CEP63: variants seen among roughly 807,000 people sequenced by gnomAD.
CEP63 encodes centrosomal protein of 63 kDa.
In CEP63, 84 loss-of-function variants were observed where a neutral mutation model predicts 89.1. The observed-to-expected ratio is 0.94, with a 90% CI of 0.79 to 1.13. The LOEUF (loss-of-function observed/expected upper bound fraction) is 1.13. Among genes scored for constraint, CEP63 ranks in the 50% most tolerant of loss-of-function variants. The pLI is 0.00. For missense variants in CEP63, 838 were observed against 813.3 expected (o/e 1.03, Z -0.37); for synonymous variants, 267 against 272.5 (o/e 0.98, Z 0.20).
the CEP63 span, chr3:134,620,946 T>C: frequency 1.3e-6 from 1 of 775,448 alleles, no homozygotes; most frequent in Non-Finnish European, 2.2e-6. Flanking sequence ...AGTGCTGCTC[T>C]TCCTCCAGGC....
chr3:134,667,677 A>C, the CEP63 span, among the ~76,000 whole-genome samples: 6 of 152,298 alleles, frequency 3.9e-5, no homozygotes, highest in African/African-American at 1.4e-4. Context: ...AGTGGTGGGC[A>C]TGATGGTGGC....
the CEP63 span, chr3:134,625,037 C>T: frequency 7.0e-6 from 11 of 1,578,970 alleles, no homozygotes; most frequent in African/African-American, 4.0e-5. Context: ...ATGGTCAGAG[C>T]GGCCAGCTGT....
the CEP63 span, among the ~76,000 whole-genome samples, chr3:134,599,985 T>C: frequency 6.6e-6 from 1 of 152,192 alleles, no homozygotes; most frequent in Non-Finnish European, 1.5e-5. Context: ...GGAGAAAGCA[T>C]ACTCAACAGC....
At chr3:134,529,691 G>C (rs1178403942) in intron 3 of CEP63, among the ~76,000 whole-genome samples, 1 of 151,386 alleles carries the variant, frequency 6.6e-6, no homozygotes, top group Non-Finnish European at 1.5e-5. Flanking sequence ...CTTTTTTGTA[G>C]AGAAAGGGTC....
the CEP63 span, among the ~76,000 whole-genome samples, chr3:134,617,698 G>A: frequency 6.6e-6 from 1 of 152,226 alleles, no homozygotes; most frequent in Non-Finnish European, 1.5e-5. Flanking sequence ...GGCAACACAT[G>A]AGTTTGGTGT....
At chr3:134,605,850 A>T in the CEP63 span, among the ~76,000 whole-genome samples, 1 of 152,062 alleles carries the variant, frequency 6.6e-6, no homozygotes, top group Non-Finnish European at 1.5e-5. Context: ...CCACTCTTTG[A>T]GGACTGGCCC....
At position 134,537,269 on chromosome 3, in the gene CEP63, G is replaced by T; in HGVS notation, c.555+1G>T. On this transcript the variant is annotated splice_donor_variant, in intron 6 of 14. Coordinates refer to ENST00000675561, the MANE Select transcript of CEP63 (RefSeq NM_001353108.3). LOFTEE classifies it high-confidence loss of function. Reference sequence around the variant, plus strand: ...GGCTGAACAATCAGAGATAATTCAGGTAGGCCTAAGACTTTTTAAAATAAT... The same window carrying T: ...GGCTGAACAATCAGAGATAATTCAGTTAGGCCTAAGACTTTTTAAAATAAT... The T allele has an allele frequency of 6.4e-7, 1 of 1,572,736 alleles. No individual in the cohort carries two copies. Among genetic ancestry groups the T allele is most frequent in the Non-Finnish European group, 8.8e-7 (1 of 1,142,120 alleles).
intron 10 of CEP63, among the ~76,000 whole-genome samples, chr3:134,582,984 G>C (rs1483822861): frequency 1.3e-5 from 2 of 152,206 alleles, no homozygotes; most frequent in Non-Finnish European, 2.9e-5. Flanking sequence ...CTTCTTTTGA[G>C]AAGTGTCTGT....
the CEP63 span, chr3:134,620,915 C>T: frequency 9.9e-7 from 1 of 1,015,154 alleles, no homozygotes; most frequent in Non-Finnish European, 1.5e-6. Context: ...GTTGGGGGCC[C>T]AGCATCTTGC....
Position 134,561,306 on chromosome 3 carries a change from T to C in CEP63, c.1954-71T>C, listed in dbSNP as rs571533478. 194 of 1,415,210 alleles carry C rather than the reference T, an allele frequency of 1.4e-4. 1 individual carries two copies. The highest frequency in any genetic ancestry group is 3.2e-4 in the Admixed American group (19 of 59,720). 87.7% of individuals were successfully genotyped at this position (1,415,210 alleles called of 1,614,324 possible). On this transcript the variant is annotated intron_variant, in intron 14 of 14. Transcript: ENST00000675561. ...TTTTAATATTGCTAGTTAGAAAATGTCATGAACAGTGTATCTTAGAAATAT... is the reference window on the plus strand; with the variant it reads ...TTTTAATATTGCTAGTTAGAAAATGCCATGAACAGTGTATCTTAGAAATAT...
chr3:134,752,742 G>A, the CEP63 span, among the ~76,000 whole-genome samples: 579 of 152,252 alleles, frequency 3.8e-3, 7 homozygotes, highest in African/African-American at 0.012. Flanking sequence ...CACCTTATCC[G>A]GGGAGAAAAT....
At chr3:134,620,721 G>A in the CEP63 span, 1 of 1,531,008 alleles carries the variant, frequency 6.5e-7, no homozygotes, top group South Asian at 1.1e-5. Flanking sequence ...AGGGATTCTA[G>A]AGCCAGAAAT....
At chr3:134,604,072 C>T in the CEP63 span, 4 of 1,613,802 alleles carry the variant, frequency 2.5e-6, no homozygotes, top group Non-Finnish European at 3.4e-6. Context: ...GCCATCATCC[C>T]CGTGGAGGGA....
the CEP63 span, chr3:134,598,092 G>C: frequency 2.0e-5 from 3 of 152,228 alleles, no homozygotes; most frequent in Admixed American, 2.0e-4. Flanking sequence ...CAGCCAGTGT[G>C]GGGTCCAGCG....
the CEP63 span, among the ~76,000 whole-genome samples, chr3:134,762,617 A>C: frequency 2.0e-5 from 3 of 152,190 alleles, no homozygotes; most frequent in Non-Finnish European, 4.4e-5. Context: ...GGAAGACTAC[A>C]CAAGGGCATA....
intron 6 of CEP63, among the ~76,000 whole-genome samples, chr3:134,539,830 A>G (rs1049065632): frequency 2.0e-5 from 3 of 152,214 alleles, no homozygotes; most frequent in African/African-American, 7.2e-5. Context: ...TACATAATAC[A>G]TGCTTATTTT....
chr3:134,600,424 T>C, the CEP63 span, among the ~76,000 whole-genome samples: 1 of 152,234 alleles, frequency 6.6e-6, no homozygotes, highest in Non-Finnish European at 1.5e-5. Flanking sequence ...TTATTTACTT[T>C]TAATCTTAGC....
At chr3:134,645,550 G>A in the CEP63 span, among the ~76,000 whole-genome samples, 26 of 152,308 alleles carry the variant, frequency 1.7e-4, no homozygotes, top group South Asian at 4.1e-4. Flanking sequence ...TCAGAATCTC[G>A]ACATCAGAAA....
At chr3:134,697,079 C>G in the CEP63 span, among the ~76,000 whole-genome samples, 1 of 152,186 alleles carries the variant, frequency 6.6e-6, no homozygotes, top group Admixed American at 6.5e-5. Flanking sequence ...AGTGATTGGT[C>G]TGGTCAAGAT....
Sources: gnomAD v4.1 joint callset for allele counts (sites outside exome capture counted in the v4.1 genomes callset) on GRCh38, gnomAD v4.1.1 for gene constraint, MANE v1.5 for transcripts, NCBI Gene and HGNC (gene_info 2026-07-23, HGNC 2026-07-21) for gene names.